Variants in DACH2 observed in about 807,000 individuals in gnomAD.
The protein encoded by DACH2 is dachshund homolog 2.
In DACH2, 17 loss-of-function variants were observed where a neutral mutation model predicts 35.8. The observed-to-expected ratio is 0.48, with a 90% CI of 0.33 to 0.71. The LOEUF (loss-of-function observed/expected upper bound fraction) is 0.71, where lower values mean the gene tolerates loss of function less well. DACH2 is among the 30% of genes least tolerant of loss of function. The pLI is 0.02. For missense variants in DACH2, 469 were observed against 472.7 expected (o/e 0.99, Z 0.07); for synonymous variants, 195 against 177.3 (o/e 1.10, Z -0.79).
chrX:86,528,521 C>T (rs535401554), intron 3 of DACH2, among the ~76,000 whole-genome samples: 5 of 111,419 alleles, frequency 4.5e-5, no homozygotes, highest in South Asian at 3.8e-4. Context: ...TCATTGTAAA[C>T]GTGTGAATTG....
At chrX:86,317,889 G>A in intron 1 of DACH2, among the ~76,000 whole-genome samples, 1 of 111,359 alleles carries the variant, frequency 9.0e-6, no homozygotes, top group Non-Finnish European at 1.9e-5. Flanking sequence ...TGTCTACACA[G>A]GGGCTGTGTA....
At chrX:86,521,249 G>T (rs1048840206) in intron 3 of DACH2, among the ~76,000 whole-genome samples, 2 of 111,689 alleles carry the variant, frequency 1.8e-5, no homozygotes, top group Non-Finnish European at 3.8e-5. Flanking sequence ...CTGGCTTACA[G>T]GGTTTCAGCT....
intron 1 of DACH2, among the ~76,000 whole-genome samples, chrX:86,279,776 G>T (rs898951562): frequency 2.7e-5 from 3 of 109,823 alleles, no homozygotes; most frequent in East Asian, 2.9e-4. Context: ...CCTTGAAAAA[G>T]GTTAGACAAA....
chrX:86,198,954 CACA>C (rs2032068663), intron 1 of DACH2, among the ~76,000 whole-genome samples: 1 of 110,103 alleles, frequency 9.1e-6, no homozygotes, highest in Admixed American at 9.7e-5. Context: ...ATGGCAGAGA[CACA>C]ACAAAAAAAG....
At chrX:86,604,723 A>T (rs1212596706) in intron 3 of DACH2, among the ~76,000 whole-genome samples, 1 of 111,558 alleles carries the variant, frequency 9.0e-6, no homozygotes, top group Non-Finnish European at 1.9e-5. Flanking sequence ...AGGTAGCCCC[A>T]ATGTAATCAC....
intron 4 of DACH2, among the ~76,000 whole-genome samples, chrX:86,690,760 C>T (rs759701617): frequency 6.4e-5 from 7 of 110,185 alleles, no homozygotes; most frequent in East Asian, 3.0e-4. Flanking sequence ...TATATTTCTA[C>T]GAAGTAAGGG....
chrX:86,301,724 A>C (rs1405397384), intron 1 of DACH2, among the ~76,000 whole-genome samples: 1 of 112,304 alleles, frequency 8.9e-6, no homozygotes, highest in Non-Finnish European at 1.9e-5. Context: ...TCATAATTGC[A>C]TAATGTACAA....
intron 2 of DACH2, among the ~76,000 whole-genome samples, chrX:86,428,324 A>T (rs1429851867): frequency 8.9e-6 from 1 of 111,979 alleles, no homozygotes; most frequent in Non-Finnish European, 1.9e-5. Context: ...GTAAAAATTC[A>T]ATTAAAGGGA....
At chrX:86,537,020 A>G (rs903578508) in intron 3 of DACH2, among the ~76,000 whole-genome samples, 1 of 111,462 alleles carries the variant, frequency 9.0e-6, no homozygotes, top group Non-Finnish European at 1.9e-5. Flanking sequence ...TGGCTCCACC[A>G]CCATGACAAG....
chrX:86,587,192 G>A (rs753022559), intron 3 of DACH2, among the ~76,000 whole-genome samples: 4 of 111,285 alleles, frequency 3.6e-5, no homozygotes, highest in Non-Finnish European at 5.7e-5. Context: ...ATGGGATTGC[G>A]TTTTTGATTT....
At chrX:86,611,814 G>A (rs2039949290) in intron 3 of DACH2, among the ~76,000 whole-genome samples, 1 of 111,473 alleles carries the variant, frequency 9.0e-6, no homozygotes, top group African/African-American at 3.3e-5. Flanking sequence ...GGTGGTGTCA[G>A]TGATTAAAAA....
intron 4 of DACH2, among the ~76,000 whole-genome samples, chrX:86,694,539 T>A (rs952467616): frequency 8.9e-6 from 1 of 112,433 alleles, no homozygotes; most frequent in Non-Finnish European, 1.9e-5. Context: ...CTCTAGTGTG[T>A]ATGAATAGAT....
chrX:86,734,676 G>A (rs2041576215), intron 6 of DACH2, among the ~76,000 whole-genome samples: 2 of 111,263 alleles, frequency 1.8e-5, no homozygotes, highest in Admixed American at 9.7e-5. Flanking sequence ...GGTTCATAAA[G>A]ATCCATAAAG....
intron 1 of DACH2, among the ~76,000 whole-genome samples, chrX:86,229,464 C>G (rs765657955): frequency 9.0e-6 from 1 of 111,455 alleles, no homozygotes; most frequent in Non-Finnish European, 1.9e-5. Flanking sequence ...TTTTTTGGTT[C>G]CACATGAATT....
intron 3 of DACH2, among the ~76,000 whole-genome samples, chrX:86,516,023 C>T (rs1471208195): frequency 1.8e-5 from 2 of 111,953 alleles, no homozygotes; most frequent in East Asian, 5.6e-4. Context: ...TGATTCACGT[C>T]TAGCTTGGGT....
chrX:86,827,062 A>G (rs978734298), intron 11 of DACH2, among the ~76,000 whole-genome samples: 2 of 112,461 alleles, frequency 1.8e-5, no homozygotes, highest in Non-Finnish European at 1.9e-5. Flanking sequence ...GAGGTAAACA[A>G]CTGGTGAGGA....
At chrX:86,469,127 T>C (rs2037722659) in intron 2 of DACH2, among the ~76,000 whole-genome samples, 1 of 111,446 alleles carries the variant, frequency 9.0e-6, no homozygotes, top group Non-Finnish European at 1.9e-5. Flanking sequence ...TTACATGATC[T>C]CACTAATATG....
chrX:86,426,381 T>C lies in DACH2; in HGVS notation c.527+49519T>C, dbSNP rs758982836. ...TCTCTACTTAAGAACATACTATTTC[T>C]GAGACTTGATTTGGCTGTGTCATCT... is the stretch of plus-strand genomic sequence containing the variant. On this transcript the variant is annotated intron_variant, in intron 2 of 11. Coordinates refer to ENST00000373125, the MANE Select transcript of DACH2 (RefSeq NM_053281.3). Among the ~76,000 whole-genome samples, 12 of 111,295 alleles carry C rather than the reference T, an allele frequency of 1.1e-4. No homozygotes were observed. In the South Asian group the frequency reaches 4.5e-3, roughly 42 times the overall value.
At chrX:86,439,577 C>T (rs1260446035) in intron 2 of DACH2, among the ~76,000 whole-genome samples, 1 of 111,193 alleles carries the variant, frequency 9.0e-6, no homozygotes, top group African/African-American at 3.3e-5. Context: ...TTTTTGTATA[C>T]CATGTGAGAT....
Sources: allele counts gnomAD v4.1 joint callset (sites outside exome capture counted in the v4.1 genomes callset), GRCh38; gene constraint gnomAD v4.1.1; transcripts MANE v1.5; gene names NCBI Gene and HGNC (gene_info 2026-07-23, HGNC 2026-07-21).